The following TENM3 variants were observed in gnomAD, a reference collection of about 807,000 sequenced individuals.
The protein encoded by TENM3 is teneurin-3.
Under a neutral mutation model 255.1 loss-of-function variants are expected in TENM3, and 63 were observed. That is an observed-to-expected ratio of 0.25 (90% CI 0.20 to 0.30). The LOEUF is 0.30. Ranked by LOEUF, TENM3 falls within the 10% of genes least tolerant of loss-of-function variation. The probability of loss-of-function intolerance (pLI) is 1.00; values close to 1 mark genes in which losing one functional copy is unlikely to be tolerated. For synonymous variants in TENM3, 1,306 were observed against 1,322.3 expected, an observed-to-expected ratio of 0.99 and a Z score of 0.27; for missense variants, 2,929 against 3,461.1, an observed-to-expected ratio of 0.85 and a Z score of 3.86.
chr4:181,569,982 G>A, the TENM3 span, among the ~76,000 whole-genome samples: 1 of 151,308 alleles, frequency 6.6e-6, no homozygotes, highest in Non-Finnish European at 1.5e-5. Context: ...AGGTAAAAGA[G>A]AGTTCAAGAC....
chr4:182,531,859 G>A (rs1392572381), intron 3 of TENM3, among the ~76,000 whole-genome samples: 1 of 152,198 alleles, frequency 6.6e-6, no homozygotes, highest in Non-Finnish European at 1.5e-5. Flanking sequence ...ACTGCACTGT[G>A]TGCATAAACA....
intron 3 of TENM3, among the ~76,000 whole-genome samples, chr4:182,420,459 C>T (rs529724389): frequency 7.2e-5 from 11 of 152,228 alleles, no homozygotes; most frequent in Admixed American, 3.9e-4. Context: ...TTGCCGCATA[C>T]GGACATAATT....
the TENM3 span, among the ~76,000 whole-genome samples, chr4:181,452,783 A>G: frequency 6.6e-6 from 1 of 152,202 alleles, no homozygotes; most frequent in Non-Finnish European, 1.5e-5. Context: ...AAGGGCTAAC[A>G]CTTTCATTTA....
chr4:182,689,499 GC>G (rs1756853289), intron 12 of TENM3, among the ~76,000 whole-genome samples: 1 of 152,050 alleles, frequency 6.6e-6, no homozygotes, highest in Non-Finnish European at 1.5e-5. Context: ...GTCCCACCAC[GC>G]CCCCACGCTG....
intron 12 of TENM3, among the ~76,000 whole-genome samples, chr4:182,689,709 C>T (rs766787364): frequency 1.3e-5 from 2 of 152,206 alleles, no homozygotes; most frequent in East Asian, 3.9e-4. Context: ...GACATATTTG[C>T]AGTATTTCTG....
the TENM3 span, among the ~76,000 whole-genome samples, chr4:182,036,340 G>A: frequency 4.5e-4 from 69 of 152,120 alleles, no homozygotes; most frequent in East Asian, 4.9e-3. Context: ...ACAGGCGCCC[G>A]CCACCATGCC....
At chr4:181,688,661 A>C in the TENM3 span, among the ~76,000 whole-genome samples, 3 of 152,172 alleles carry the variant, frequency 2.0e-5, no homozygotes, top group South Asian at 6.2e-4. Flanking sequence ...TTCCTGTGGT[A>C]AAATGGACAA....
chr4:181,750,981 C>G, the TENM3 span, among the ~76,000 whole-genome samples: 1 of 152,052 alleles, frequency 6.6e-6, no homozygotes, highest in Admixed American at 6.6e-5. Context: ...CAGAGAGACC[C>G]CTACTTTAAA....
intron 1 of TENM3, among the ~76,000 whole-genome samples, chr4:182,181,116 C>T (rs926832359): frequency 7.9e-5 from 12 of 151,846 alleles, no homozygotes; most frequent in Non-Finnish European, 1.3e-4. Context: ...CAAATCAAAA[C>T]GCAGCAACCA....
chr4:182,506,707 T>C (rs1454944124), intron 3 of TENM3, among the ~76,000 whole-genome samples: 2 of 152,224 alleles, frequency 1.3e-5, no homozygotes, highest in Non-Finnish European at 2.9e-5. Flanking sequence ...TAATAGATAT[T>C]GTACATAAAA....
the TENM3 span, among the ~76,000 whole-genome samples, chr4:181,464,135 A>C: frequency 6.6e-6 from 1 of 152,210 alleles, no homozygotes; most frequent in East Asian, 1.9e-4. Context: ...TTTTGTGTGG[A>C]CACATGTTTT....
chr4:182,498,503 T>C (rs1736013376), intron 3 of TENM3, among the ~76,000 whole-genome samples: 1 of 152,146 alleles, frequency 6.6e-6, no homozygotes, highest in African/African-American at 2.4e-5. Flanking sequence ...TGAACACTTT[T>C]CTTCCATTAG....
At chr4:182,130,690 G>T in the TENM3 span, among the ~76,000 whole-genome samples, 10 of 148,946 alleles carry the variant, frequency 6.7e-5, no homozygotes, top group Admixed American at 1.3e-4. Flanking sequence ...CCTGTATGCC[G>T]TTTTTTTTTT....
At chr4:182,562,336 G>A (rs1160962261) in intron 3 of TENM3, among the ~76,000 whole-genome samples, 1 of 152,112 alleles carries the variant, frequency 6.6e-6, no homozygotes, top group African/African-American at 2.4e-5. Context: ...GGGATGGTGA[G>A]TGCCATATGC....
At chr4:182,325,156 AAAT>A (rs1341771128) in intron 2 of TENM3, among the ~76,000 whole-genome samples, 1 of 152,228 alleles carries the variant, frequency 6.6e-6, no homozygotes, top group Non-Finnish European at 1.5e-5. Flanking sequence ...AAATGAGAAA[AAAT>A]AAATTAAACT....
At chr4:182,183,708 CATACTAAG>C (rs1752976743) in intron 1 of TENM3, among the ~76,000 whole-genome samples, 1 of 152,218 alleles carries the variant, frequency 6.6e-6, no homozygotes, top group South Asian at 2.1e-4. Flanking sequence ...CAAGTAGAAG[CATACTAAG>C]ATTGTGGAAG....
intron 3 of TENM3, among the ~76,000 whole-genome samples, chr4:182,497,180 A>C (rs1021734626): frequency 1.3e-5 from 2 of 151,908 alleles, no homozygotes; most frequent in Non-Finnish European, 2.9e-5. Context: ...CAGCCTCCCA[A>C]GTAGCTGGGA....
intron 3 of TENM3, chr4:182,350,033 G>GGA (rs1765067751): frequency 6.6e-6 from 1 of 152,104 alleles, no homozygotes; most frequent in Non-Finnish European, 1.5e-5. Flanking sequence ...GTTTTTCCCA[G>GGA]AAAAAAAAAA....
At chr4:182,483,172 TTATC>T (rs1734363938) in intron 3 of TENM3, among the ~76,000 whole-genome samples, 2 of 152,344 alleles carry the variant, frequency 1.3e-5, no homozygotes, top group African/African-American at 4.8e-5. Flanking sequence ...TTTTCTTGCT[TTATC>T]TAGTGCTGAG....
Sources: gnomAD v4.1 joint callset for allele counts (sites outside exome capture counted in the v4.1 genomes callset) on GRCh38, gnomAD v4.1.1 for gene constraint, MANE v1.5 for transcripts, NCBI Gene and HGNC (gene_info 2026-07-23, HGNC 2026-07-21) for gene names.